Variants in ATP9B observed in about 807,000 individuals in gnomAD.
The protein encoded by ATP9B is ATPase phospholipid transporting 9B.
A neutral mutation model predicts 146.1 loss-of-function variants in ATP9B; 110 were observed. The observed-to-expected ratio is 0.75, with a 90% confidence interval of 0.65 to 0.88. The LOEUF (loss-of-function observed/expected upper bound fraction) is 0.88, where lower values mean the gene tolerates loss of function less well. Ranked by LOEUF, ATP9B falls within the 40% of genes least tolerant of loss-of-function variation. ATP9B has a pLI of 0.00. For missense variants in ATP9B, 1,499 were observed against 1,496.4 expected, an observed-to-expected ratio of 1.00 and a Z score of -0.03; for synonymous variants, 604 against 569.7, an observed-to-expected ratio of 1.06 and a Z score of -0.86.
rs138651612 is a variant in ATP9B, at chr18:79,126,587, T to A, written c.667+212T>A. On this transcript the variant is annotated intron_variant, in intron 5 of 29. Coordinates refer to ENST00000426216, the MANE Select transcript of ATP9B (RefSeq NM_198531.5). ...TCTAGCTGTTTGGATGTATGTTGTG[T>A]ACACATATATACAAATGCACACACA... Among the ~76,000 whole-genome samples the A allele has an allele frequency of 3.7e-3, 557 of 152,334 alleles. 2 individuals are homozygous for A. Among genetic ancestry groups the A allele is most frequent in the African/African-American group, 0.013 (527 of 41,584 alleles).
At chr18:79,268,831 C>A (rs764680956) in intron 12 of ATP9B, among the ~76,000 whole-genome samples, 1 of 152,114 alleles carries the variant, frequency 6.6e-6, no homozygotes, top group Non-Finnish European at 1.5e-5. Context: ...CTGGTCTGTT[C>A]TGAACTCTCA....
At chr18:79,096,146 G>T (rs569571783) in intron 1 of ATP9B, among the ~76,000 whole-genome samples, 2 of 152,286 alleles carry the variant, frequency 1.3e-5, no homozygotes, top group Admixed American at 6.5e-5. Context: ...CAGAAGATTG[G>T]TTTTTTCTGA....
At chr18:79,260,752 A>T (rs1289897262) in intron 12 of ATP9B, among the ~76,000 whole-genome samples, 3 of 152,244 alleles carry the variant, frequency 2.0e-5, no homozygotes, top group African/African-American at 4.8e-5. Flanking sequence ...AATGACCCCA[A>T]GGTCAAAATT....
intron 8 of ATP9B, among the ~76,000 whole-genome samples, chr18:79,184,699 T>G (rs1314977611): frequency 6.6e-6 from 1 of 152,180 alleles, no homozygotes; most frequent in Non-Finnish European, 1.5e-5. Context: ...CTTGTGTCCT[T>G]CTTTTTCTTG....
At chr18:79,249,777 T>G (rs1284582353) in intron 11 of ATP9B, among the ~76,000 whole-genome samples, 1 of 152,228 alleles carries the variant, frequency 6.6e-6, no homozygotes, top group Non-Finnish European at 1.5e-5. Context: ...GATTATTAAT[T>G]GAAGTGGGTT....
At chr18:79,208,377 A>C (rs994064690) in intron 10 of ATP9B, among the ~76,000 whole-genome samples, 12 of 152,370 alleles carry the variant, frequency 7.9e-5, no homozygotes, top group Admixed American at 7.2e-4. Context: ...TGTGAGGAGC[A>C]TTCCTGCTAG....
intron 7 of ATP9B, among the ~76,000 whole-genome samples, chr18:79,175,394 A>G (rs888887874): frequency 6.6e-6 from 1 of 152,180 alleles, no homozygotes; most frequent in African/African-American, 2.4e-5. Context: ...GAACAGTATA[A>G]GATATATTCA....
intron 12 of ATP9B, among the ~76,000 whole-genome samples, chr18:79,267,520 T>C (rs2096215295): frequency 6.6e-6 from 1 of 152,116 alleles, no homozygotes; most frequent in Admixed American, 6.5e-5. Flanking sequence ...AGTACTACTT[T>C]GGTTGCATTT....
At chr18:79,314,172 A>G (rs1222915307) in intron 15 of ATP9B, among the ~76,000 whole-genome samples, 1 of 152,244 alleles carries the variant, frequency 6.6e-6, no homozygotes, top group East Asian at 1.9e-4. Flanking sequence ...TCTATGGTTA[A>G]TAAGCAACAT....
intron 15 of ATP9B, among the ~76,000 whole-genome samples, chr18:79,308,247 G>C (rs1293158057): frequency 6.6e-6 from 1 of 152,096 alleles, no homozygotes; most frequent in African/African-American, 2.4e-5. Context: ...TTGGAACAGG[G>C]TGCAGCCACT....
intron 10 of ATP9B, chr18:79,209,725 A>G (rs1285976509): frequency 2.1e-6 from 2 of 962,232 alleles, no homozygotes; most frequent in South Asian, 4.8e-5. Context: ...TAATTAAGGT[A>G]CCTTTAATGT....
At chr18:79,161,323 C>T (rs72994240) in intron 7 of ATP9B, among the ~76,000 whole-genome samples, 2 of 152,000 alleles carry the variant, frequency 1.3e-5, no homozygotes, top group South Asian at 4.1e-4. Context: ...TTTTGAAGGT[C>T]GTGGATCCCT....
At chr18:79,168,605 A>G (rs1416671918) in intron 7 of ATP9B, among the ~76,000 whole-genome samples, 5 of 152,182 alleles carry the variant, frequency 3.3e-5, no homozygotes, top group Admixed American at 3.3e-4. Context: ...GACATCAGAT[A>G]TTGCAGATAG....
chr18:79,077,290 AC>A (rs1430917427), intron 1 of ATP9B, among the ~76,000 whole-genome samples: 1 of 152,126 alleles, frequency 6.6e-6, no homozygotes, highest in Non-Finnish European at 1.5e-5. Flanking sequence ...TGTGGGGGTT[AC>A]TGCCAGAAGG....
At chr18:79,359,623 AT>A in intron 26 of ATP9B, 161 bp downstream of exon 26, 3 of 619,016 alleles carry the variant, frequency 4.8e-6, no homozygotes, top group Non-Finnish European at 8.7e-6. Flanking sequence ...TGTTGTTGGC[AT>A]TTTCTCTTTG....
intron 8 of ATP9B, among the ~76,000 whole-genome samples, chr18:79,185,625 C>T (rs1288926308): frequency 6.6e-6 from 1 of 152,210 alleles, no homozygotes; most frequent in East Asian, 1.9e-4. Flanking sequence ...TTTAGCTTCA[C>T]ATAACTTGGC....
chr18:79,305,866 G>A (rs1599816517), intron 14 of ATP9B, among the ~76,000 whole-genome samples: 2 of 152,226 alleles, frequency 1.3e-5, no homozygotes, highest in Non-Finnish European at 2.9e-5. Flanking sequence ...CCACTGCCGT[G>A]CAACACAGAT....
At chr18:79,371,149 G>A (rs377357038) in intron 26 of ATP9B, among the ~76,000 whole-genome samples, 3 of 152,056 alleles carry the variant, frequency 2.0e-5, no homozygotes, top group Non-Finnish European at 2.9e-5. Context: ...CGAGGTGGGC[G>A]GATCATGAGG....
intron 1 of ATP9B, among the ~76,000 whole-genome samples, chr18:79,091,737 A>T (rs973682496): frequency 3.9e-5 from 6 of 152,158 alleles, no homozygotes; most frequent in African/African-American, 7.2e-5. Flanking sequence ...TAATTTGATT[A>T]TTTCCTTTCC....
Sources: allele counts gnomAD v4.1 joint callset (sites outside exome capture counted in the v4.1 genomes callset), GRCh38; gene constraint gnomAD v4.1.1; transcripts MANE v1.5; gene names NCBI Gene and HGNC (gene_info 2026-07-23, HGNC 2026-07-21).